CDC42BPA: variants seen among roughly 807,000 people sequenced by gnomAD.
CDC42BPA encodes the protein serine/threonine-protein kinase MRCK alpha.
CDC42BPA carries 80 observed loss-of-function variants against 223.5 expected under a neutral mutation model. That is an observed-to-expected ratio of 0.36 (90% CI 0.30 to 0.43). The LOEUF (loss-of-function observed/expected upper bound fraction) is 0.43, where lower values mean the gene tolerates loss of function less well. Ranked by LOEUF, CDC42BPA falls within the 20% of genes least tolerant of loss-of-function variation. CDC42BPA has a pLI of 1.00. For synonymous variants in CDC42BPA, 694 were observed against 718.6 expected (o/e 0.97, Z 0.55); for missense variants, 1,743 against 2,099.9 (o/e 0.83, Z 3.32).
chr1:227,016,236 G>T, intron 33 of CDC42BPA, 39 bp from the exon 34 acceptor site: 1 of 1,022,000 alleles, frequency 9.8e-7, no homozygotes, highest in Non-Finnish European at 1.5e-6. Context: ...TTTTTCCACA[G>T]TTAATTTATG....
intron 1 of CDC42BPA, among the ~76,000 whole-genome samples, chr1:227,312,928 G>C (rs1289092689): frequency 6.6e-6 from 1 of 152,070 alleles, no homozygotes; most frequent in African/African-American, 2.4e-5. Flanking sequence ...TACCATGATT[G>C]CAAGTTTCCT....
intron 1 of CDC42BPA, chr1:227,265,323 C>CT (rs1684800604): frequency 2.4e-6 from 1 of 416,304 alleles, no homozygotes; most frequent in Admixed American, 3.5e-5. Context: ...GTACAGGTAC[C>CT]TATACCTCAT....
chr1:227,014,335 A>C (rs1391977102), intron 34 of CDC42BPA, among the ~76,000 whole-genome samples: 1 of 152,108 alleles, frequency 6.6e-6, no homozygotes, highest in Non-Finnish European at 1.5e-5. Flanking sequence ...AGCCAACCCT[A>C]TTCCAAAAAC....
intron 5 of CDC42BPA, among the ~76,000 whole-genome samples, chr1:227,182,610 A>G (rs1269650046): frequency 5.3e-5 from 8 of 152,254 alleles, no homozygotes; most frequent in Admixed American, 3.3e-4. Context: ...ACAATGGTAC[A>G]TTAGTGTTAG....
chr1:227,278,191 ACT>A (rs1558939553), intron 1 of CDC42BPA, among the ~76,000 whole-genome samples: 4 of 152,156 alleles, frequency 2.6e-5, no homozygotes, highest in Non-Finnish European at 5.9e-5. Context: ...TTGTTGTTAC[ACT>A]GTCTCTACAA....
At chr1:227,109,936 A>G (rs1454996319) in intron 14 of CDC42BPA, among the ~76,000 whole-genome samples, 1 of 152,080 alleles carries the variant, frequency 6.6e-6, no homozygotes, top group African/African-American at 2.4e-5. Context: ...TATAAATGCT[A>G]TATAAGTAGG....
intron 23 of CDC42BPA, among the ~76,000 whole-genome samples, chr1:227,041,004 A>T (rs1365643918): frequency 6.6e-6 from 1 of 152,198 alleles, no homozygotes; most frequent in African/African-American, 2.4e-5. Flanking sequence ...TTAGGAAAAA[A>T]TTACTAAATT....
At chr1:227,035,705 G>T in intron 24 of CDC42BPA, 98 bp from the exon 25 acceptor site, 2 of 737,630 alleles carry the variant, frequency 2.7e-6, no homozygotes, top group South Asian at 2.5e-5. Flanking sequence ...TTAGATGAAT[G>T]CTTATCTCCA....
intron 1 of CDC42BPA, among the ~76,000 whole-genome samples, chr1:227,308,528 A>AAAAAAAAC (rs1553445052): frequency 6.8e-6 from 1 of 146,226 alleles, no homozygotes; most frequent in African/African-American, 2.5e-5. Flanking sequence ...AAAAAAAAAA[A>AAAAAAAAC]CAGAATGGGA....
At chr1:227,133,215 G>T (rs1342105534) in intron 10 of CDC42BPA, among the ~76,000 whole-genome samples, 1 of 150,452 alleles carries the variant, frequency 6.6e-6, no homozygotes, top group African/African-American at 2.4e-5. Context: ...AGGGAGGTGG[G>T]GGGGTCAGCC....
rs1372777972 is a variant in CDC42BPA at position 227,215,312 on chromosome 1, C to T, written c.271-2093G>A. ...TGATAGCATGGATTCTGAAGCCAGA[C>T]TACTTGGGTTTGAATCCTAGTTTTG... is the stretch of plus-strand genomic sequence containing the variant. On this transcript the variant is annotated intron_variant, in intron 2 of 36. Coordinates refer to ENST00000366766, the MANE Select transcript of CDC42BPA (RefSeq NM_001394014.1). Among the ~76,000 whole-genome samples the T allele has an allele frequency of 4.6e-5, 7 of 152,154 alleles. No homozygotes were observed. The East Asian group carries it at 7.7e-4, about 17-fold the overall frequency.
At chr1:227,253,416 C>T (rs1290253613) in intron 2 of CDC42BPA, among the ~76,000 whole-genome samples, 2 of 152,078 alleles carry the variant, frequency 1.3e-5, no homozygotes, top group Non-Finnish European at 2.9e-5. Flanking sequence ...ACCAACACGG[C>T]AAAAACCCAA....
At chr1:227,185,897 C>A (rs539212941) in intron 5 of CDC42BPA, among the ~76,000 whole-genome samples, 8 of 152,162 alleles carry the variant, frequency 5.3e-5, no homozygotes, top group African/African-American at 1.9e-4. Flanking sequence ...TGTAAGGAGT[C>A]CAGAAGTCAC....
rs1001516085 is a variant in CDC42BPA, at chr1:227,317,410, A to T, written c.-228T>A. 2 of 444,256 alleles carry T rather than the reference A, an allele frequency of 4.5e-6. No homozygotes were observed. The highest frequency in any genetic ancestry group is 7.8e-6 in the Non-Finnish European group (2 of 255,826). The allele number at this position is 444,256 out of a possible 1,614,324, so 27.5% of individuals were successfully genotyped here. ...ATATATTTTGAGGGTAAATTACCAT[A>T]AAATATATACTTAATGCATTTTTAA... On this transcript the variant is annotated 5_prime_UTR_variant, in exon 1 of 37. Transcript: ENST00000366766.
At chr1:227,213,060 T>G in intron 3 of CDC42BPA, 76 bp downstream of exon 3, 1 of 734,854 alleles carries the variant, frequency 1.4e-6, no homozygotes, top group Non-Finnish European at 2.2e-6. Context: ...TAATATTTAA[T>G]GAGCTCTATG....
chr1:227,031,789 T>C (rs1669334822), intron 27 of CDC42BPA, among the ~76,000 whole-genome samples: 2 of 147,326 alleles, frequency 1.4e-5, no homozygotes, highest in African/African-American at 5.2e-5. Flanking sequence ...AGGCATTAAA[T>C]ATATAACAAC....
chr1:227,240,292 G>A (rs1679797439), intron 2 of CDC42BPA, among the ~76,000 whole-genome samples: 1 of 151,928 alleles, frequency 6.6e-6, no homozygotes, highest in Non-Finnish European at 1.5e-5. Flanking sequence ...AAAAAACAAA[G>A]AGAAATATCT....
intron 10 of CDC42BPA, among the ~76,000 whole-genome samples, chr1:227,137,293 G>T (rs1454869085): frequency 1.3e-5 from 2 of 152,120 alleles, no homozygotes; most frequent in African/African-American, 2.4e-5. Flanking sequence ...TCAGGGAAAT[G>T]CAAATTAAAA....
chr1:227,317,237 T>C lies in CDC42BPA; in HGVS notation c.-55A>G. ...TAAATTATTATGATGACTTTTACTA[T>C]TATCTGAACCTAAATTTTAAAAGGT... On this transcript the variant is annotated 5_prime_UTR_variant, in exon 1 of 37. Transcript: ENST00000366766. The C allele has an allele frequency of 6.5e-7, 1 of 1,536,238 alleles. No homozygotes were observed. Among genetic ancestry groups the C allele is most frequent in the Non-Finnish European group, 8.8e-7 (1 of 1,135,664 alleles).
Sources: allele counts gnomAD v4.1 joint callset (sites outside exome capture counted in the v4.1 genomes callset), GRCh38; gene constraint gnomAD v4.1.1; transcripts MANE v1.5; gene names NCBI Gene and HGNC (gene_info 2026-07-23, HGNC 2026-07-21).